HSPB8: variants seen among roughly 807,000 people sequenced by gnomAD.
The protein encoded by HSPB8 is heat shock protein beta-8.
Under a neutral mutation model 16.5 loss-of-function variants are expected in HSPB8, and 9 were observed. The ratio of observed to expected loss-of-function variants is 0.55; its 90% CI spans 0.33 to 0.95. The LOEUF (loss-of-function observed/expected upper bound fraction) is 0.95, where lower values mean the gene tolerates loss of function less well. Ranked by LOEUF, HSPB8 falls within the 40% of genes least tolerant of loss-of-function variation. The pLI, the probability that HSPB8 is intolerant of heterozygous loss-of-function variation, is 0.03. For missense variants in HSPB8, 238 were observed against 251.2 expected, an observed-to-expected ratio of 0.95 and a Z score of 0.35; for synonymous variants, 99 against 94.8, an observed-to-expected ratio of 1.04 and a Z score of -0.26.
chr12:119,178,999 T>G lies in HSPB8; in HGVS notation c.-314T>G. On this transcript the variant is annotated 5_prime_UTR_variant, in exon 1 of 3. Coordinates refer to ENST00000281938, the MANE Select transcript of HSPB8 (RefSeq NM_014365.3). Reference sequence around the variant, plus strand: ...CTGGCTCCGCTCTAGACCTCAGCGGTTCTGGCTGCCAGCCTGGGCAGCCTG... The same window carrying G: ...CTGGCTCCGCTCTAGACCTCAGCGGGTCTGGCTGCCAGCCTGGGCAGCCTG... 2.1e-6 allele frequency: 1 copy of G among 474,622 alleles called. No homozygotes were observed. Among genetic ancestry groups the G allele is most frequent in the Non-Finnish European group, 3.9e-6 (1 of 258,402 alleles). The allele number at this position is 474,622 out of a possible 1,614,324, so 29.4% of individuals were successfully genotyped here.
In HSPB8 at chr12:119,187,142, C is replaced by T. The variant is rs569434718; in HGVS notation, c.431+54C>T. 86 of 1,425,576 alleles carry T rather than the reference C, an allele frequency of 6.0e-5. No individual in the cohort carries two copies. The African/African-American group carries it at 1.1e-3, about 18-fold the overall frequency. 88.3% of individuals were successfully genotyped at this position (1,425,576 alleles called of 1,614,324 possible). On this transcript the variant is annotated intron_variant, in intron 2 of 2. Transcript: ENST00000281938. Reference sequence around the variant, plus strand: ...GGTGGGAGTGGAGGAGGGGGCACACCTGGGACCCATGATCTGGGGTCTCTC... The same window carrying T: ...GGTGGGAGTGGAGGAGGGGGCACACTTGGGACCCATGATCTGGGGTCTCTC...
intron 2 of HSPB8, among the ~76,000 whole-genome samples, chr12:119,190,388 C>G (rs1954705082): frequency 6.6e-6 from 1 of 152,192 alleles, no homozygotes; most frequent in African/African-American, 2.4e-5. Context: ...GATTTCCACC[C>G]AGGCAGGATG....
At chr12:119,192,588 G>A (rs1023441621) in intron 2 of HSPB8, among the ~76,000 whole-genome samples, 16 of 152,082 alleles carry the variant, frequency 1.1e-4, no homozygotes, top group African/African-American at 3.1e-4. Flanking sequence ...CTTGGGAGGC[G>A]GAACTTGCAG....
chr12:119,182,993 G>A (rs1451450616), intron 1 of HSPB8: 4 of 152,224 alleles, frequency 2.6e-5, no homozygotes, highest in African/African-American at 9.6e-5. Flanking sequence ...AAATCCCACA[G>A]CCTCTGGAGC....
At chr12:119,186,786 G>A (rs556792906) in intron 1 of HSPB8, 20 of 536,786 alleles carry the variant, frequency 3.7e-5, no homozygotes, top group Middle Eastern at 5.2e-4. Flanking sequence ...TACAAACCAC[G>A]GTCTACGCCT....
intron 1 of HSPB8, among the ~76,000 whole-genome samples, chr12:119,184,857 T>C (rs1954664348): frequency 6.6e-6 from 1 of 152,342 alleles, no homozygotes; most frequent in African/African-American, 2.4e-5. Flanking sequence ...TTAGCTCTTA[T>C]GTATTCCTCA....
chr12:119,183,378 G>A (rs867388282), intron 1 of HSPB8: 1 of 152,190 alleles, frequency 6.6e-6, no homozygotes, highest in South Asian at 2.1e-4. Context: ...CCCTGGCTAA[G>A]ATAGAGACTG....
intron 2 of HSPB8, among the ~76,000 whole-genome samples, chr12:119,192,946 T>G (rs748432399): frequency 4.6e-5 from 7 of 152,048 alleles, no homozygotes; most frequent in Non-Finnish European, 8.8e-5. Context: ...GAGAACAGTA[T>G]GGAGGAAACT....
In HSPB8 at chr12:119,182,548, GA is replaced by G. The variant is rs563619092; in HGVS notation, c.367+2871del. 1.2e-4 allele frequency among the ~76,000 whole-genome samples: 18 copies of G among 152,278 alleles called. No homozygotes were observed. In the East Asian group the frequency reaches 3.5e-3, roughly 29 times the overall value. On this transcript the variant is annotated intron_variant, in intron 1 of 2. Coordinates refer to ENST00000281938, the MANE Select transcript of HSPB8 (RefSeq NM_014365.3). ...AGCTACTCAGGAGTCTGAGGCAGGA[GA>G]ATCGCTTGAACCTGGGAGGTGGAGG...
Position 119,179,244 on chromosome 12 carries a change from G to C in HSPB8, c.-69G>C, listed in dbSNP as rs1221329072. ...TAAGCTAGCCCAGCCACACCACCTT[G>C]TTGTGTGACCTTGGGCAGGTGGTTC... On this transcript the variant is annotated 5_prime_UTR_variant, in exon 1 of 3. Transcript: ENST00000281938. 3 of 1,521,196 alleles carry C rather than the reference G, an allele frequency of 2.0e-6. No homozygotes were observed. The highest frequency in any genetic ancestry group is 2.7e-5 in the African/African-American group (2 of 73,210). 94.2% of individuals were successfully genotyped at this position (1,521,196 alleles called of 1,614,324 possible). A position where few individuals can be genotyped will look rare whatever the true frequency, so the allele number is the denominator to read the frequency against.
rs1954726188 is a variant in HSPB8 at position 119,193,700 on chromosome 12, C to A, written c.433C>A (p.Leu145Ile). The A allele has an allele frequency of 6.2e-7, 1 of 1,614,004 alleles. No individual in the cohort carries two copies. The highest frequency in any genetic ancestry group is 1.7e-5 in the Admixed American group (1 of 60,002). The change falls in exon 3 of 3, where the codon CTT becomes ATT. Residue 145 changes from leucine (L) to isoleucine (I), a missense_variant and splice_region_variant. Transcript: ENST00000281938. Reference protein sequence around the residue: ...VSKNFTKKIQLPAEVDPVTVF... With the variant: ...VSKNFTKKIQIPAEVDPVTVF... ...AATAAAATCGTGTGTTTCTCCTAGG[C>A]TTCCTGCAGAGGTGGATCCTGTGAC...
In HSPB8 at chr12:119,193,805, A is replaced by G; in HGVS notation, c.538A>G (p.Ser180Gly). The G allele has an allele frequency of 6.2e-7, 1 of 1,614,118 alleles. No individual in the cohort carries two copies. The highest frequency in any genetic ancestry group is 2.2e-5 in the East Asian group (1 of 44,878). ...QVPPYSTFGE[S>G]SFNNELPQDS... is the part of the protein sequence containing the mutation. ...CCCTCCTTACTCAACATTTGGAGAG[A>G]GCAGTTTCAACAACGAGCTTCCCCA... The change falls in exon 3 of 3, where the codon AGC becomes GGC. Residue 180 changes from serine to glycine, a missense_variant. By Grantham distance (56) the Ser-to-Gly change is moderately conservative (BLOSUM62 0). Transcript: ENST00000281938.
At chr12:119,191,758 C>T (rs1329301738) in intron 2 of HSPB8, among the ~76,000 whole-genome samples, 1 of 152,198 alleles carries the variant, frequency 6.6e-6, no homozygotes, top group African/African-American at 2.4e-5. Context: ...GCCGGTCCTT[C>T]CTGCCATAGT....
rs1954619848 is a variant in HSPB8, at chr12:119,179,355, C to T, written c.43C>T (p.Arg15Cys). 1 of 1,614,122 alleles carries T rather than the reference C, an allele frequency of 6.2e-7. No homozygotes were observed. The highest frequency in any genetic ancestry group is 8.5e-7 in the Non-Finnish European group (1 of 1,180,024). The stretch of plus-strand genomic sequence containing the variant: ...GCCCTTCTCCTGCCACTACCCAAGC[C>T]GCCTGCGCCGAGACCCCTTCCGGGA... ...QMPFSCHYPS[R>C]LRRDPFRDSP... is the part of the protein sequence containing the mutation. Residue 15 changes from arginine (R) to cysteine (C), a missense_variant, in exon 1 of 3, where the codon CGC becomes TGC. Coordinates refer to ENST00000281938, the MANE Select transcript of HSPB8 (RefSeq NM_014365.3).
chr12:119,179,666 C>G lies in HSPB8; in HGVS notation c.354C>G (p.Tyr118Ter). 1 of 1,581,570 alleles carries G rather than the reference C, an allele frequency of 6.3e-7. No individual in the cohort carries two copies. The highest frequency in any genetic ancestry group is 8.6e-7 in the Non-Finnish European group (1 of 1,165,216). ...TGATGGTGAAGACCAAAGATGGATA[C>G]GTGGAGGTGTCTGGTAAGTCAGGGG... is the stretch of plus-strand genomic sequence containing the variant. The part of the protein sequence containing the change: ...EELMVKTKDG[Y>*]VEVSGKHEEK... Residue 118 changes from tyrosine to a stop codon, truncating the protein, a stop_gained, in exon 1 of 3, where the codon TAC becomes TAG. Coordinates refer to ENST00000281938, the MANE Select transcript of HSPB8 (RefSeq NM_014365.3). LOFTEE classifies it high-confidence loss of function.
At position 119,194,631 on chromosome 12, in the gene HSPB8, T is replaced by C. The variant is rs1008893762; in HGVS notation, c.*773T>C. On this transcript the variant is annotated 3_prime_UTR_variant, in exon 3 of 3. Coordinates refer to ENST00000281938, the MANE Select transcript of HSPB8 (RefSeq NM_014365.3). ...CCTGACAGATAGGCTAGTGGTATTG[T>C]GTATATGGGCGGGACGTGTGTGTCA... 1 of 192,278 alleles carries C rather than the reference T, an allele frequency of 5.2e-6. No individual in the cohort carries two copies. The highest frequency in any genetic ancestry group is 1.0e-5 in the Non-Finnish European group (1 of 96,536). 11.9% of individuals were successfully genotyped at this position (192,278 alleles called of 1,614,324 possible).
intron 1 of HSPB8, chr12:119,186,747 C>T (rs536960008): frequency 2.3e-5 from 10 of 439,010 alleles, no homozygotes; most frequent in Admixed American, 3.5e-5. Context: ...GAAGTTTCTG[C>T]GATTTCCTCA....
At position 119,189,091 on chromosome 12, in the gene HSPB8, C is replaced by T. The variant is rs543463952; in HGVS notation, c.431+2003C>T. Among the ~76,000 whole-genome samples the T allele has an allele frequency of 3.3e-3, 497 of 152,274 alleles. 2 individuals are homozygous for T. Among genetic ancestry groups the T allele is most frequent in the African/African-American group, 0.011 (475 of 41,542 alleles). On this transcript the variant is annotated intron_variant, in intron 2 of 2. Coordinates refer to ENST00000281938, the MANE Select transcript of HSPB8 (RefSeq NM_014365.3). ...GGCAAACGCCAAACCATTTGTTCTTCGTGTTTGCTGGCTTGCCTGGCATCT... is the reference window on the plus strand; with the variant it reads ...GGCAAACGCCAAACCATTTGTTCTTTGTGTTTGCTGGCTTGCCTGGCATCT...
rs1954614727 is a variant in HSPB8, at chr12:119,178,937, A to G, written c.-376A>G. On this transcript the variant is annotated 5_prime_UTR_variant, in exon 1 of 3. Transcript: ENST00000281938. Reference sequence around the variant, plus strand: ...TTGCAGCCCAGAAGGAGCCAGAAGAAGTTTCTAGGCGCGCGTGCCCTGGGT... The same window carrying G: ...TTGCAGCCCAGAAGGAGCCAGAAGAGGTTTCTAGGCGCGCGTGCCCTGGGT... The G allele has an allele frequency of 3.0e-6, 1 of 329,146 alleles. No homozygotes were observed. The highest frequency in any genetic ancestry group is 5.8e-6 in the Non-Finnish European group (1 of 173,004). The allele number at this position is 329,146 out of a possible 1,614,324, so 20.4% of individuals were successfully genotyped here.
Sources: allele counts gnomAD v4.1 joint callset (sites outside exome capture counted in the v4.1 genomes callset), GRCh38; gene constraint gnomAD v4.1.1; transcripts MANE v1.5; gene names NCBI Gene and HGNC (gene_info 2026-07-23, HGNC 2026-07-21).